Variants in PGGT1B observed in about 807,000 individuals in gnomAD.
PGGT1B encodes the protein geranylgeranyl transferase type-1 subunit beta.
In PGGT1B, 30 loss-of-function variants were observed where a neutral mutation model predicts 46.1. The observed-to-expected ratio is 0.65, with a 90% confidence interval of 0.49 to 0.88. The LOEUF (loss-of-function observed/expected upper bound fraction) is 0.88. Among genes scored for constraint, PGGT1B ranks in the 40% least tolerant of loss-of-function variants. The probability of loss-of-function intolerance (pLI) is 0.00; values close to 1 mark genes in which losing one functional copy is unlikely to be tolerated. For synonymous variants in PGGT1B, 170 were observed against 160.0 expected (o/e 1.06, Z -0.47); for missense variants, 376 against 455.9 (o/e 0.82, Z 1.60).
At chr5:115,218,528 A>G (rs1458315711) in intron 7 of PGGT1B, among the ~76,000 whole-genome samples, 3 of 149,150 alleles carry the variant, frequency 2.0e-5, no homozygotes. Context: ...CTAAAATCTA[A>G]TATTTTATTG....
chr5:115,238,947 C>G (rs954559190), intron 3 of PGGT1B, among the ~76,000 whole-genome samples: 2 of 152,130 alleles, frequency 1.3e-5, no homozygotes. Flanking sequence ...TTCTTGCATA[C>G]TTACCTTCTA....
At chr5:115,248,696 C>G (rs1747959086) in intron 2 of PGGT1B, among the ~76,000 whole-genome samples, 1 of 152,180 alleles carries the variant, frequency 6.6e-6, no homozygotes, top group African/African-American at 2.4e-5. Flanking sequence ...ATTGTCTCCA[C>G]TCATATACTT....
At chr5:115,233,207 C>T (rs2127006783) in intron 5 of PGGT1B, among the ~76,000 whole-genome samples, 1 of 151,898 alleles carries the variant, frequency 6.6e-6, no homozygotes, top group East Asian at 1.9e-4. Flanking sequence ...TGTAGCACTC[C>T]ACACTCAAAT....
chr5:115,239,004 T>A (rs1398841252), intron 3 of PGGT1B, among the ~76,000 whole-genome samples: 4 of 152,184 alleles, frequency 2.6e-5, no homozygotes, highest in Middle Eastern at 3.4e-3. Context: ...ACCCTTTTTA[T>A]AATAATCTGA....
chr5:115,251,491 T>C (rs952050332), intron 2 of PGGT1B, among the ~76,000 whole-genome samples: 6 of 151,944 alleles, frequency 3.9e-5, no homozygotes, highest in Admixed American at 2.0e-4. Flanking sequence ...AAAAAATTGC[T>C]CAATTACGGA....
At chr5:115,212,888 T>C (rs1028676617) in intron 8 of PGGT1B, among the ~76,000 whole-genome samples, 1 of 152,212 alleles carries the variant, frequency 6.6e-6, no homozygotes. Context: ...AGCAGTCATA[T>C]GTAAGACTTC....
At chr5:115,256,475 CCAG>C (rs1366241252) in intron 1 of PGGT1B, among the ~76,000 whole-genome samples, 1 of 152,242 alleles carries the variant, frequency 6.6e-6, no homozygotes, top group East Asian at 1.9e-4. Flanking sequence ...TCCTGAAAGT[CCAG>C]CATTTTCAAC....
chr5:115,238,831 T>G (rs1414505257), intron 3 of PGGT1B, among the ~76,000 whole-genome samples: 1 of 152,148 alleles, frequency 6.6e-6, no homozygotes, highest in Non-Finnish European at 1.5e-5. Context: ...TAAAAAGCTG[T>G]TACTTATCTT....
intron 6 of PGGT1B, among the ~76,000 whole-genome samples, chr5:115,224,134 T>A (rs1756683160): frequency 6.6e-6 from 1 of 152,126 alleles, no homozygotes; most frequent in Non-Finnish European, 1.5e-5. Flanking sequence ...TATTACAACC[T>A]TTTAAAATAA....
intron 1 of PGGT1B, among the ~76,000 whole-genome samples, chr5:115,259,009 C>T (rs1748440467): frequency 6.6e-6 from 1 of 152,202 alleles, no homozygotes; most frequent in African/African-American, 2.4e-5. Context: ...AAACACCATA[C>T]AGACACTCTA....
At position 115,208,825 on chromosome 5, in the gene PGGT1B, A is replaced by G. The variant is rs1351021143; in HGVS notation, c.*3577T>C. The G allele has an allele frequency of 1.3e-5, 2 of 151,924 alleles. No homozygotes were observed. Among genetic ancestry groups the G allele is most frequent in the African/African-American group, 4.8e-5 (2 of 41,370 alleles). The allele number at this position is 151,924 out of a possible 1,614,324, so 9.4% of individuals were successfully genotyped here. A position where few individuals can be genotyped will look rare whatever the true frequency, so the allele number is the denominator to read the frequency against. On this transcript the variant is annotated 3_prime_UTR_variant, in exon 9 of 9. Transcript: ENST00000419445. Reference sequence around the variant, plus strand: ...TCCTACTTTTATTGATAACTGTACTAATTAATATAAATTTCCTGTCATATT... The same window carrying G: ...TCCTACTTTTATTGATAACTGTACTGATTAATATAAATTTCCTGTCATATT...
chr5:115,256,945 TTC>T (rs1287778021), intron 1 of PGGT1B, among the ~76,000 whole-genome samples: 1 of 152,198 alleles, frequency 6.6e-6, no homozygotes, highest in East Asian at 1.9e-4. Context: ...TATCTGTTTA[TTC>T]TGTTTCTTCT....
chr5:115,237,218 G>A (rs1377538032), intron 4 of PGGT1B, among the ~76,000 whole-genome samples: 2 of 152,116 alleles, frequency 1.3e-5, no homozygotes, highest in Non-Finnish European at 2.9e-5. Context: ...AAACACTGAC[G>A]GGAAAACAGA....
rs1158004918 is a variant in PGGT1B at position 115,216,983 on chromosome 5, C to G, written c.844-10G>C. ...GGAAAATTTTTAGAAGCTGAAATGA[C>G]ATGACAAATAAAAATTTACTGACAT... is the stretch of plus-strand genomic sequence containing the variant. On this transcript the variant is annotated splice_polypyrimidine_tract_variant and intron_variant, in intron 7 of 8. Coordinates refer to ENST00000419445, the MANE Select transcript of PGGT1B (RefSeq NM_005023.4). 1.7e-6 allele frequency: 2 copies of G among 1,168,374 alleles called. No individual in the cohort carries two copies. Among genetic ancestry groups the G allele is most frequent in the Non-Finnish European group, 2.6e-6 (2 of 781,572 alleles). 72.4% of individuals were successfully genotyped at this position (1,168,374 alleles called of 1,614,324 possible). A position where few individuals can be genotyped will look rare whatever the true frequency, so the allele number is the denominator to read the frequency against.
intron 7 of PGGT1B, among the ~76,000 whole-genome samples, chr5:115,217,693 G>A (rs990091274): frequency 4.6e-5 from 7 of 152,062 alleles, no homozygotes; most frequent in African/African-American, 1.4e-4. Flanking sequence ...ACAGCTTTTA[G>A]TGACTAATGA....
Position 115,209,721 on chromosome 5 carries a change from T to C in PGGT1B, c.*2681A>G, listed in dbSNP as rs1225732785. The C allele has an allele frequency of 2.0e-5, 3 of 152,010 alleles. No homozygotes were observed. Among genetic ancestry groups the C allele is most frequent in the Non-Finnish European group, 2.9e-5 (2 of 67,988 alleles). 9.4% of individuals were successfully genotyped at this position (152,010 alleles called of 1,614,324 possible). On this transcript the variant is annotated 3_prime_UTR_variant, in exon 9 of 9. Transcript: ENST00000419445. Reference sequence around the variant, plus strand: ...ACCTCTTTCTGTTGTAGAAGAGAGGTTTTAATTACAAAAATAATTTTATGA... The same window carrying C: ...ACCTCTTTCTGTTGTAGAAGAGAGGCTTTAATTACAAAAATAATTTTATGA...
At chr5:115,233,183 G>C (rs528518822) in intron 5 of PGGT1B, among the ~76,000 whole-genome samples, 2 of 151,942 alleles carry the variant, frequency 1.3e-5, no homozygotes, top group East Asian at 3.9e-4. Context: ...GCATGAATCA[G>C]AAGAAAACTG....
In PGGT1B at chr5:115,206,457, A is replaced by T. The variant is rs1276588614; in HGVS notation, c.*5945T>A. 3.3e-5 allele frequency: 5 copies of T among 152,070 alleles called. No homozygotes were observed. Among genetic ancestry groups the T allele is most frequent in the Non-Finnish European group, 5.9e-5 (4 of 67,910 alleles). The allele number at this position is 152,070 out of a possible 1,614,324, so 9.4% of individuals were successfully genotyped here. ...GTAATCTCAATAGCACTTACTTAAA[A>T]GTTCATTTTCTCACTAACTTGAGAT... On this transcript the variant is annotated 3_prime_UTR_variant, in exon 9 of 9. Coordinates refer to ENST00000419445, the MANE Select transcript of PGGT1B (RefSeq NM_005023.4).
intron 6 of PGGT1B, among the ~76,000 whole-genome samples, chr5:115,228,516 T>C (rs1756867087): frequency 6.6e-6 from 1 of 152,146 alleles, no homozygotes; most frequent in Non-Finnish European, 1.5e-5. Flanking sequence ...ATACTGCATG[T>C]GTATCTGGGT....
Sources: gnomAD v4.1 joint callset for allele counts (sites outside exome capture counted in the v4.1 genomes callset) on GRCh38, gnomAD v4.1.1 for gene constraint, MANE v1.5 for transcripts, NCBI Gene and HGNC (gene_info 2026-07-23, HGNC 2026-07-21) for gene names.